Variants in RAP1GDS1 observed in about 807,000 individuals in gnomAD.
RAP1GDS1 encodes the protein RAP1, GTP-GDP dissociation stimulator 1.
In RAP1GDS1, 35 loss-of-function variants were observed where a neutral mutation model predicts 71.1. That is an observed-to-expected ratio of 0.49 (90% confidence interval 0.38 to 0.65). The LOEUF is 0.65. RAP1GDS1 is among the 30% of genes least tolerant of loss of function. The probability of loss-of-function intolerance (pLI) is 0.00; values close to 1 mark genes in which losing one functional copy is unlikely to be tolerated. For synonymous variants in RAP1GDS1, 229 were observed against 243.1 expected (o/e 0.94, Z 0.54); for missense variants, 663 against 706.1 (o/e 0.94, Z 0.69).
intron 6 of RAP1GDS1, among the ~76,000 whole-genome samples, chr4:98,402,934 A>G (rs1745642227): frequency 6.6e-6 from 1 of 152,182 alleles, no homozygotes. Context: ...CTAACATATA[A>G]TTACAAGTTA....
intron 14 of RAP1GDS1, among the ~76,000 whole-genome samples, chr4:98,438,444 T>A (rs1751435969): frequency 1.3e-5 from 2 of 151,406 alleles, no homozygotes; most frequent in Admixed American, 1.3e-4. Flanking sequence ...CCATTTACAT[T>A]TAATGGATGA....
intron 3 of RAP1GDS1, among the ~76,000 whole-genome samples, chr4:98,346,892 T>TA (rs1736386183): frequency 6.6e-6 from 1 of 152,208 alleles, no homozygotes; most frequent in African/African-American, 2.4e-5. Flanking sequence ...GTGAAAAATA[T>TA]AAATGTCAGT....
intron 4 of RAP1GDS1, among the ~76,000 whole-genome samples, chr4:98,358,155 A>G (rs1015420835): frequency 1.3e-5 from 2 of 152,046 alleles, no homozygotes; most frequent in Admixed American, 6.6e-5. Context: ...TCTTTAATCA[A>G]ACAACTTTTG....
Position 98,346,374 on chromosome 4 carries a change from A to G in RAP1GDS1, c.235+3113A>G, listed in dbSNP as rs542317230. Among the ~76,000 whole-genome samples the G allele has an allele frequency of 2.0e-5, 3 of 152,180 alleles. No homozygotes were observed. The South Asian group carries it at 6.2e-4, about 32-fold the overall frequency. ...TTTATTTATTTTAATTTTGCCCTCT[A>G]TTCCATAACAGGTACATGTAGTACA... On this transcript the variant is annotated intron_variant, in intron 3 of 14. Transcript: ENST00000408927.
At chr4:98,404,398 A>G (rs41275691) in intron 6 of RAP1GDS1, 79 bp from the exon 7 acceptor site, 25,197 of 1,345,386 alleles carry the variant, frequency 0.019, 1,128 homozygotes, top group African/African-American at 0.17. Flanking sequence ...GTAATGGTAC[A>G]AAATAACTAA....
In RAP1GDS1 at chr4:98,404,455, G is replaced by A. The variant is rs201467212; in HGVS notation, c.638-22G>A. ...AGTTTCTGGACTTTATTTGGTTTAA[G>A]TTTTTCTTTTTTATTTTACAGAGTC... On this transcript the variant is annotated intron_variant, in intron 6 of 14. Transcript: ENST00000408927. The A allele has an allele frequency of 6.5e-5, 101 of 1,559,872 alleles. No homozygotes were observed. The African/African-American group carries it at 1.1e-3, about 17-fold the overall frequency.
At chr4:98,414,046 G>A (rs1393400470) in intron 7 of RAP1GDS1, among the ~76,000 whole-genome samples, 11 of 151,898 alleles carry the variant, frequency 7.2e-5, no homozygotes, top group African/African-American at 2.4e-4. Context: ...CATGTCCTTC[G>A]CCCACTTTTT....
intron 1 of RAP1GDS1, among the ~76,000 whole-genome samples, chr4:98,265,463 ATAG>A (rs746828561): frequency 1.3e-5 from 2 of 152,202 alleles, no homozygotes; most frequent in East Asian, 1.9e-4. Context: ...TGTCTGGCAC[ATAG>A]TAGCTACATA....
At position 98,379,014 on chromosome 4, in the gene RAP1GDS1, C is replaced by T. The variant is rs1183979578; in HGVS notation, c.362-3C>T. ...ATTTTTAATTTAACTCTTTGTTTTA[C>T]AGATGAGGGCAGAAGTGCAGTTGAC... On this transcript the variant is annotated splice_polypyrimidine_tract_variant and splice_region_variant and intron_variant, in intron 4 of 14. Coordinates refer to ENST00000408927, the MANE Select transcript of RAP1GDS1 (RefSeq NM_001100427.2). 1.3e-6 allele frequency: 2 copies of T among 1,572,538 alleles called. No homozygotes were observed. Among genetic ancestry groups the T allele is most frequent in the Admixed American group, 2.0e-5 (1 of 50,934 alleles).
At chr4:98,336,360 T>G (rs1338604507) in intron 2 of RAP1GDS1, among the ~76,000 whole-genome samples, 1 of 152,208 alleles carries the variant, frequency 6.6e-6, no homozygotes, top group Non-Finnish European at 1.5e-5. Context: ...AGTGGTAATT[T>G]TAAAGAAAAT....
intron 2 of RAP1GDS1, among the ~76,000 whole-genome samples, chr4:98,342,420 T>G (rs1361998850): frequency 6.6e-6 from 1 of 152,178 alleles, no homozygotes; most frequent in Non-Finnish European, 1.5e-5. Flanking sequence ...CTTTTCTTTA[T>G]TTTTAACATA....
intron 4 of RAP1GDS1, among the ~76,000 whole-genome samples, chr4:98,359,004 G>C (rs1367500554): frequency 6.6e-6 from 1 of 151,916 alleles, no homozygotes; most frequent in African/African-American, 2.4e-5. Context: ...AAATGACCTT[G>C]TTGTTTCAGC....
At chr4:98,271,090 G>A (rs1322486579) in intron 1 of RAP1GDS1, among the ~76,000 whole-genome samples, 1 of 152,110 alleles carries the variant, frequency 6.6e-6, no homozygotes, top group Non-Finnish European at 1.5e-5. Context: ...TAAAAGTTAT[G>A]TGTGGATTTT....
At chr4:98,283,210 G>T (rs1725439787) in intron 1 of RAP1GDS1, among the ~76,000 whole-genome samples, 2 of 152,132 alleles carry the variant, frequency 1.3e-5, no homozygotes, top group Non-Finnish European at 2.9e-5. Context: ...GTGTTTCAGA[G>T]AAATAAAAAT....
At chr4:98,343,425 G>GT (rs1392264790) in intron 3 of RAP1GDS1, 164 bp downstream of exon 3, 2 of 855,046 alleles carry the variant, frequency 2.3e-6, no homozygotes, top group Admixed American at 5.6e-5. Context: ...AATGGCTATA[G>GT]TTACAGTCAT....
At chr4:98,307,343 A>C (rs897582310) in intron 2 of RAP1GDS1, among the ~76,000 whole-genome samples, 2 of 152,026 alleles carry the variant, frequency 1.3e-5, no homozygotes, top group Non-Finnish European at 2.9e-5. Context: ...TCCTATTATA[A>C]ATTTATTTTT....
At chr4:98,341,118 G>A (rs1735448408) in intron 2 of RAP1GDS1, among the ~76,000 whole-genome samples, 1 of 152,004 alleles carries the variant, frequency 6.6e-6, no homozygotes, top group South Asian at 2.1e-4. Flanking sequence ...ACTTTTTTAT[G>A]TCACAGAAAA....
chr4:98,298,103 T>A (rs1003849974), intron 2 of RAP1GDS1, among the ~76,000 whole-genome samples: 6 of 152,194 alleles, frequency 3.9e-5, no homozygotes, highest in Non-Finnish European at 7.3e-5. Context: ...TTGTCTTCAG[T>A]TCTGAGAAGG....
intron 5 of RAP1GDS1, among the ~76,000 whole-genome samples, chr4:98,391,066 C>T (rs1413881249): frequency 6.6e-6 from 1 of 152,090 alleles, no homozygotes; most frequent in African/African-American, 2.4e-5. Context: ...TTTGCATAAA[C>T]ATATGATTTT....
Sources: gnomAD v4.1 joint callset for allele counts (sites outside exome capture counted in the v4.1 genomes callset) on GRCh38, gnomAD v4.1.1 for gene constraint, MANE v1.5 for transcripts, NCBI Gene and HGNC (gene_info 2026-07-23, HGNC 2026-07-21) for gene names.